ASCC3: variants seen among roughly 807,000 people sequenced by gnomAD.
ASCC3 encodes the protein ASC-1 complex subunit P200.
ASCC3 carries 158 observed loss-of-function variants against 256.3 expected under a neutral mutation model. That is an observed-to-expected ratio of 0.62 (90% CI 0.54 to 0.70). ASCC3 has a LOEUF of 0.70. Ranked by LOEUF, ASCC3 falls within the 30% of genes least tolerant of loss-of-function variation. The probability of loss-of-function intolerance (pLI) is 0.00; values close to 1 mark genes in which losing one functional copy is unlikely to be tolerated. For synonymous variants in ASCC3, 948 were observed against 883.4 expected, an observed-to-expected ratio of 1.07 and a Z score of -1.30; for missense variants, 2,259 against 2,626.0, an observed-to-expected ratio of 0.86 and a Z score of 3.05.
intron 12 of ASCC3, among the ~76,000 whole-genome samples, chr6:100,717,211 T>A (rs1467356582): frequency 6.6e-6 from 1 of 151,978 alleles, no homozygotes; most frequent in Non-Finnish European, 1.5e-5. Context: ...CTTTGGATAT[T>A]TTTAGGTGAA....
At chr6:100,798,073 TTTG>T (rs1769721581) in intron 8 of ASCC3, among the ~76,000 whole-genome samples, 1 of 152,112 alleles carries the variant, frequency 6.6e-6, no homozygotes, top group South Asian at 2.1e-4. Flanking sequence ...GCCTGTATTA[TTTG>T]TTATTTCTGA....
chr6:100,703,362 G>A (rs1365746279), intron 13 of ASCC3, among the ~76,000 whole-genome samples: 1 of 152,006 alleles, frequency 6.6e-6, no homozygotes, highest in African/African-American at 2.4e-5. Flanking sequence ...AAGATTAGGA[G>A]AGAAGAGACA....
chr6:100,729,601 G>A (rs1779804881), intron 10 of ASCC3, among the ~76,000 whole-genome samples: 1 of 152,098 alleles, frequency 6.6e-6, no homozygotes. Flanking sequence ...GTAGCCTGTT[G>A]TATGTTTAAC....
At chr6:100,649,814 AT>A (rs1775567436) in intron 20 of ASCC3, among the ~76,000 whole-genome samples, 1 of 151,660 alleles carries the variant, frequency 6.6e-6, no homozygotes, top group African/African-American at 2.4e-5. Context: ...CAGGTAAATA[AT>A]TTTTTTAAAA....
chr6:100,684,277 G>A (rs1442754745), intron 13 of ASCC3, among the ~76,000 whole-genome samples: 2 of 152,096 alleles, frequency 1.3e-5, no homozygotes, highest in Admixed American at 1.3e-4. Context: ...ATGTATCACA[G>A]GATTACTATA....
chr6:100,574,148 C>T (rs938067238), intron 36 of ASCC3, among the ~76,000 whole-genome samples: 14 of 152,114 alleles, frequency 9.2e-5, no homozygotes, highest in African/African-American at 3.4e-4. Flanking sequence ...AAATACGGAT[C>T]TATCTTCTGT....
chr6:100,754,717 T>C (rs974625051), intron 10 of ASCC3, among the ~76,000 whole-genome samples: 17 of 152,186 alleles, frequency 1.1e-4, no homozygotes, highest in Admixed American at 8.5e-4. Context: ...TGATATGGTA[T>C]GGCTGTGTCA....
rs1471516944 is a variant in ASCC3, at chr6:100,638,938, C to T, written c.3902-117G>A. 1.4e-5 allele frequency: 12 copies of T among 877,162 alleles called. No homozygotes were observed. In the South Asian group the frequency reaches 1.7e-4, roughly 12 times the overall value. 54.3% of individuals were successfully genotyped at this position (877,162 alleles called of 1,614,324 possible). On this transcript the variant is annotated intron_variant, in intron 24 of 41. Transcript: ENST00000369162. ...TAGTTCCTTAGACAAGGAGAAAAAACACAAACTCTTATATACCCATTACAG... is the reference window on the plus strand; with the variant it reads ...TAGTTCCTTAGACAAGGAGAAAAAATACAAACTCTTATATACCCATTACAG...
rs768947356 is a variant in ASCC3 at position 100,652,805 on chromosome 6, C to T, written c.2908G>A (p.Glu970Lys). 6.8e-6 allele frequency: 11 copies of T among 1,613,800 alleles called. No individual in the cohort carries two copies. The highest frequency in any genetic ancestry group is 9.3e-6 in the Non-Finnish European group (11 of 1,179,930). The change falls in exon 18 of 42, where the codon GAG becomes AAG. Residue 970 changes from glutamate to lysine, a missense_variant. This residue lies in a region of ASCC3 where 1,839 missense variants were observed against 2,206.7 expected (regional missense o/e 0.83). Transcript: ENST00000369162. Reference protein sequence around the residue: ...KLDKAQMIRFEERTGYFSSTD... With the variant: ...KLDKAQMIRFKERTGYFSSTD... ...GAGGAAAAATATCCAGTTCGCTCCT[C>T]AAAACGAATCATCTGAGCTTTGTCT...
intron 36 of ASCC3, among the ~76,000 whole-genome samples, chr6:100,586,315 C>T (rs986999426): frequency 1.3e-5 from 2 of 152,116 alleles, no homozygotes; most frequent in East Asian, 1.9e-4. Context: ...GCCTTGCTGC[C>T]GCCTTGCAGT....
intron 8 of ASCC3, among the ~76,000 whole-genome samples, chr6:100,791,553 C>T (rs901279134): frequency 2.0e-5 from 3 of 151,928 alleles, no homozygotes; most frequent in Admixed American, 6.6e-5. Context: ...GATCAATGCC[C>T]ACAGACTAAG....
chr6:100,530,574 A>G lies in ASCC3; in HGVS notation c.5775+9589T>C, dbSNP rs1275703928. 7.6e-6 allele frequency: 6 copies of G among 786,468 alleles called. No homozygotes were observed. In the East Asian group the frequency reaches 1.5e-4, roughly 19 times the overall value. 48.7% of individuals were successfully genotyped at this position (786,468 alleles called of 1,614,324 possible). The stretch of plus-strand genomic sequence containing the variant: ...TGGCCTGGCACTCAATCCAGCCAGC[A>G]TTAGTGTGTTGATTATTGCATGGAT... On this transcript the variant is annotated intron_variant, in intron 37 of 41. Coordinates refer to ENST00000369162, the MANE Select transcript of ASCC3 (RefSeq NM_006828.4).
chr6:100,788,308 C>T (rs139804008), intron 8 of ASCC3, among the ~76,000 whole-genome samples: 8 of 151,650 alleles, frequency 5.3e-5, no homozygotes, highest in East Asian at 1.9e-4. Flanking sequence ...ATTTTTAAAC[C>T]GACAATATTA....
intron 30 of ASCC3, among the ~76,000 whole-genome samples, chr6:100,613,682 G>A (rs1475576129): frequency 6.6e-6 from 1 of 151,866 alleles, no homozygotes; most frequent in African/African-American, 2.4e-5. Flanking sequence ...CTTTTTCTTC[G>A]GGTAGACACC....
intron 36 of ASCC3, among the ~76,000 whole-genome samples, chr6:100,577,260 GC>G (rs1249201747): frequency 6.6e-6 from 1 of 151,272 alleles, no homozygotes; most frequent in African/African-American, 2.4e-5. Context: ...TAAATTTTTG[GC>G]CTATATTATA....
At chr6:100,634,408 C>T (rs1480087309) in intron 25 of ASCC3, among the ~76,000 whole-genome samples, 1 of 152,168 alleles carries the variant, frequency 6.6e-6, no homozygotes, top group African/African-American at 2.4e-5. Context: ...TCCCTTCCCC[C>T]TACCCAAATG....
Position 100,662,110 on chromosome 6 carries a change from A to G in ASCC3, c.2479-80T>C. On this transcript the variant is annotated intron_variant, in intron 15 of 41. Coordinates refer to ENST00000369162, the MANE Select transcript of ASCC3 (RefSeq NM_006828.4). ...GATGAACTGAATACTGAAATTAGGCAAATATGGCAAGATCTCAAAAGTGTA... is the reference window on the plus strand; with the variant it reads ...GATGAACTGAATACTGAAATTAGGCGAATATGGCAAGATCTCAAAAGTGTA... The G allele has an allele frequency of 5.1e-6, 7 of 1,372,460 alleles. No individual in the cohort carries two copies. The South Asian group carries it at 8.3e-5, about 16-fold the overall frequency. 85.0% of individuals were successfully genotyped at this position (1,372,460 alleles called of 1,614,324 possible). A position where few individuals can be genotyped will look rare whatever the true frequency, so the allele number is the denominator to read the frequency against.
chr6:100,536,351 A>G (rs1356906266), intron 37 of ASCC3, among the ~76,000 whole-genome samples: 1 of 152,222 alleles, frequency 6.6e-6, no homozygotes, highest in East Asian at 1.9e-4. Flanking sequence ...TTACACACAC[A>G]TACACACGGG....
At chr6:100,793,529 T>C (rs1400706674) in intron 8 of ASCC3, among the ~76,000 whole-genome samples, 1 of 151,904 alleles carries the variant, frequency 6.6e-6, no homozygotes, top group Non-Finnish European at 1.5e-5. Context: ...AATTATGAAG[T>C]TTGAAACTGA....
Sources: allele counts gnomAD v4.1 joint callset (sites outside exome capture counted in the v4.1 genomes callset), GRCh38; gene constraint gnomAD v4.1.1; regional missense constraint gnomAD v4.1.1; transcripts MANE v1.5; gene names NCBI Gene and HGNC (gene_info 2026-07-23, HGNC 2026-07-21).